Variants in PPFIBP1 observed in about 807,000 individuals in gnomAD.
PPFIBP1 encodes liprin-beta-1.
PPFIBP1 carries 112 observed loss-of-function variants against 137.8 expected under a neutral mutation model. The ratio of observed to expected loss-of-function variants is 0.81; its 90% CI spans 0.70 to 0.95. The LOEUF (loss-of-function observed/expected upper bound fraction) is 0.95, where lower values mean the gene tolerates loss of function less well. Ranked by LOEUF, PPFIBP1 falls within the 40% of genes least tolerant of loss-of-function variation. PPFIBP1 has a pLI of 0.00. For missense variants in PPFIBP1, 1,083 were observed against 1,196.6 expected (o/e 0.91, Z 1.40); for synonymous variants, 378 against 417.3 (o/e 0.91, Z 1.15).
At chr12:27,628,062 T>C (rs1365234067) in intron 2 of PPFIBP1, among the ~76,000 whole-genome samples, 1 of 152,134 alleles carries the variant, frequency 6.6e-6, no homozygotes, top group Non-Finnish European at 1.5e-5. Context: ...GATTAATGTA[T>C]TTCCTGGTAC....
intron 4 of PPFIBP1, among the ~76,000 whole-genome samples, chr12:27,638,968 G>C (rs576615532): frequency 1.6e-4 from 24 of 152,226 alleles, no homozygotes; most frequent in African/African-American, 5.8e-4. Context: ...ATTTGCAGTT[G>C]GAATTATCAT....
chr12:27,646,408 CTTTTTTT>C (rs59630572), intron 5 of PPFIBP1: 17 of 350,880 alleles, frequency 4.8e-5, no homozygotes, highest in East Asian at 1.5e-4. Flanking sequence ...CTGATCTGTT[CTTTTTTT>C]TTTTTTTTTT....
At chr12:27,564,913 GC>G (rs1234100051) in intron 1 of PPFIBP1, among the ~76,000 whole-genome samples, 4 of 152,158 alleles carry the variant, frequency 2.6e-5, no homozygotes, top group African/African-American at 9.7e-5. Flanking sequence ...CCTGTCTTAT[GC>G]CATGACTGCC....
chr12:27,633,570 A>C, intron 3 of PPFIBP1, 110 bp downstream of exon 3: 1 of 822,274 alleles, frequency 1.2e-6, no homozygotes, highest in East Asian at 2.8e-5. Context: ...TTTTAGACCT[A>C]TGCCTTTTGC....
chr12:27,606,318 T>C (rs1169503741), intron 2 of PPFIBP1, among the ~76,000 whole-genome samples: 1 of 71,082 alleles, frequency 1.4e-5, no homozygotes, highest in African/African-American at 5.4e-5. Context: ...CAGGCATTTT[T>C]GGGGTATGGG....
intron 1 of PPFIBP1, chr12:27,547,230 T>G (rs1169669933): frequency 2.0e-5 from 3 of 152,214 alleles, no homozygotes; most frequent in Non-Finnish European, 4.4e-5. Context: ...CAATGCCACA[T>G]GATGTTGGGA....
At chr12:27,647,934 T>C (rs2058639239) in intron 6 of PPFIBP1, 92 bp downstream of exon 6, 2 of 1,436,688 alleles carry the variant, frequency 1.4e-6, no homozygotes, top group Admixed American at 2.7e-5. Context: ...GATGCAGCAG[T>C]AAGTTTCTTG....
At chr12:27,627,811 T>A (rs1350182890) in intron 2 of PPFIBP1, among the ~76,000 whole-genome samples, 3 of 148,890 alleles carry the variant, frequency 2.0e-5, no homozygotes, top group African/African-American at 7.4e-5. Flanking sequence ...TTTCTGTTGG[T>A]TACCCACCCC....
chr12:27,606,007 G>A (rs1026184802), intron 2 of PPFIBP1, among the ~76,000 whole-genome samples: 2 of 152,108 alleles, frequency 1.3e-5, no homozygotes, highest in Non-Finnish European at 2.9e-5. Context: ...GTGTATGTGT[G>A]TTTCCATTAC....
chr12:27,636,619 C>A (rs1273339283), intron 4 of PPFIBP1: 2 of 152,092 alleles, frequency 1.3e-5, no homozygotes, highest in South Asian at 2.1e-4. Context: ...TGTGCTTAAT[C>A]TGTTCTGTGA....
chr12:27,673,860 G>A, intron 16 of PPFIBP1, 33 bp downstream of exon 16: 1 of 1,547,512 alleles, frequency 6.5e-7, no homozygotes. Flanking sequence ...TTTTTTGTCT[G>A]TTATCCTGAG....
intron 2 of PPFIBP1, among the ~76,000 whole-genome samples, chr12:27,619,178 A>G (rs1390903268): frequency 6.6e-6 from 1 of 152,138 alleles, no homozygotes; most frequent in Non-Finnish European, 1.5e-5. Context: ...ACGACCTCCC[A>G]CAGATATCAA....
At chr12:27,663,436 A>G (rs781591608) in intron 11 of PPFIBP1, among the ~76,000 whole-genome samples, 3 of 152,194 alleles carry the variant, frequency 2.0e-5, no homozygotes, top group East Asian at 1.9e-4. Context: ...TTCAACAGCT[A>G]TCTGGTCAAA....
intron 2 of PPFIBP1, among the ~76,000 whole-genome samples, chr12:27,607,280 A>T (rs1333642195): frequency 6.6e-6 from 1 of 152,228 alleles, no homozygotes; most frequent in African/African-American, 2.4e-5. Context: ...TGCCACCAAC[A>T]ATTGATTCAG....
chr12:27,645,485 G>C (rs1004297937), intron 4 of PPFIBP1, among the ~76,000 whole-genome samples: 1 of 152,158 alleles, frequency 6.6e-6, no homozygotes, highest in African/African-American at 2.4e-5. Context: ...GGAAGAAATA[G>C]TAAGCATCAA....
chr12:27,679,724 G>C, intron 20 of PPFIBP1, 85 bp downstream of exon 20: 1 of 1,475,948 alleles, frequency 6.8e-7, no homozygotes. Flanking sequence ...ACTTTGTAAG[G>C]CCTTTGTATT....
At chr12:27,589,619 T>G (rs1268225832) in intron 2 of PPFIBP1, among the ~76,000 whole-genome samples, 1 of 152,232 alleles carries the variant, frequency 6.6e-6, no homozygotes, top group Non-Finnish European at 1.5e-5. Flanking sequence ...GGTTCATACC[T>G]GCCAAGCAGG....
chr12:27,627,996 T>C (rs532709740), intron 2 of PPFIBP1, among the ~76,000 whole-genome samples: 63 of 152,224 alleles, frequency 4.1e-4, no homozygotes, highest in African/African-American at 1.3e-3. Context: ...AATAAGAGGC[T>C]TCTCCAGTTT....
intron 20 of PPFIBP1, 96 bp downstream of exon 20, chr12:27,679,735 C>A: frequency 6.9e-7 from 1 of 1,444,952 alleles, no homozygotes; most frequent in Non-Finnish European, 9.4e-7. Flanking sequence ...CCTTTGTATT[C>A]CTCTTATGGA....
Sources: gnomAD v4.1 joint callset for allele counts (sites outside exome capture counted in the v4.1 genomes callset) on GRCh38, gnomAD v4.1.1 for gene constraint, MANE v1.5 for transcripts, NCBI Gene and HGNC (gene_info 2026-07-23, HGNC 2026-07-21) for gene names.